Variants in NCAM1 observed in about 807,000 individuals in gnomAD.
The protein encoded by NCAM1 is antigen recognized by monoclonal antibody 5.1H11.
A neutral mutation model predicts 109.8 loss-of-function variants in NCAM1; 14 were observed. The ratio of observed to expected loss-of-function variants is 0.13; its 90% CI spans 0.08 to 0.20. The LOEUF (loss-of-function observed/expected upper bound fraction) is 0.20, where lower values mean the gene tolerates loss of function less well. NCAM1 is among the 10% of genes least tolerant of loss of function. NCAM1 has a pLI of 1.00. For missense variants in NCAM1, 774 were observed against 1,109.9 expected (o/e 0.70, Z 4.30); for synonymous variants, 418 against 442.9 (o/e 0.94, Z 0.70).
intron 17 of NCAM1, among the ~76,000 whole-genome samples, chr11:113,268,911 A>G (rs1946203517): frequency 6.6e-6 from 1 of 152,170 alleles, no homozygotes; most frequent in South Asian, 2.1e-4. Flanking sequence ...TTCAGTCTGC[A>G]GTCCTGGGTG....
At position 113,082,822 on chromosome 11, in the gene NCAM1, C is replaced by A. The variant is rs1244151843; in HGVS notation, c.53-119557C>A. 5.9e-5 allele frequency among the ~76,000 whole-genome samples: 9 copies of A among 152,150 alleles called. 1 individual carries two copies. The highest frequency in any genetic ancestry group is 5.2e-4 in the Admixed American group (8 of 15,292). On this transcript the variant is annotated intron_variant, in intron 1 of 19. Coordinates refer to ENST00000316851, the MANE Select transcript of NCAM1 (RefSeq NM_181351.5). ...ATCCTTATTTGCTTAACAACTCTGT[C>A]AAAAGCAACCCTCTATGTCCCTGGA...
At chr11:113,139,569 T>G (rs1010908152) in intron 1 of NCAM1, among the ~76,000 whole-genome samples, 5 of 152,236 alleles carry the variant, frequency 3.3e-5, no homozygotes, top group Non-Finnish European at 5.9e-5. Flanking sequence ...CATCTCTTCA[T>G]GTACACATAT....
At chr11:113,123,408 C>G (rs1555096468) in intron 1 of NCAM1, among the ~76,000 whole-genome samples, 1 of 152,180 alleles carries the variant, frequency 6.6e-6, no homozygotes, top group African/African-American at 2.4e-5. Flanking sequence ...CTCTTTCCAT[C>G]TTCCTCCCCT....
intron 1 of NCAM1, among the ~76,000 whole-genome samples, chr11:113,080,309 A>C (rs1938739246): frequency 6.6e-6 from 1 of 152,192 alleles, no homozygotes; most frequent in South Asian, 2.1e-4. Flanking sequence ...CTTTCCCCAA[A>C]GTCTGAAATG....
chr11:113,235,613 C>G (rs917031021), intron 14 of NCAM1, among the ~76,000 whole-genome samples: 2 of 152,154 alleles, frequency 1.3e-5, no homozygotes, highest in Non-Finnish European at 2.9e-5. Context: ...GATATTAAGT[C>G]AGAGACAAAT....
chr11:113,072,821 TTA>T (rs1345688452), intron 1 of NCAM1, among the ~76,000 whole-genome samples: 4 of 58,266 alleles, frequency 6.9e-5, no homozygotes, highest in African/African-American at 1.9e-4. Context: ...ACATTGTTTT[TTA>T]TTTTTTTTTT....
At chr11:113,101,117 G>A (rs201801957) in intron 1 of NCAM1, among the ~76,000 whole-genome samples, 1 of 132,124 alleles carries the variant, frequency 7.6e-6, no homozygotes, top group African/African-American at 2.8e-5. Context: ...GCCCTTTCTT[G>A]GGAGAGTTAA....
intron 19 of NCAM1, 83 bp downstream of exon 19, chr11:113,271,959 C>G: frequency 9.5e-7 from 1 of 1,049,314 alleles, no homozygotes; most frequent in Non-Finnish European, 1.4e-6. Context: ...CTCCCGTGCC[C>G]CTACCCACAG....
intron 17 of NCAM1, among the ~76,000 whole-genome samples, chr11:113,267,056 C>T (rs1189855588): frequency 2.0e-5 from 3 of 152,190 alleles, no homozygotes; most frequent in East Asian, 1.9e-4. Context: ...ATGTTGGATT[C>T]GCCCTGTTTA....
rs782535732 is a variant in NCAM1 at position 113,206,091 on chromosome 11, A to C, written c.539A>C (p.Lys180Thr). ...SNNYLQIRGI[K>T]KTDEGTYRCE... The stretch of plus-strand genomic sequence containing the variant: ...AACTACCTGCAGATCCGGGGCATCA[A>C]GAAAACAGATGAGGGCACTTATCGC... The change falls in exon 5 of 20, where the codon AAG becomes ACG. Residue 180 changes from lysine (K) to threonine (T), a missense_variant. Around this residue, in one of 4 missense-constraint regions of NCAM1, gnomAD observed 523 missense variants for 784.2 expected, o/e 0.67. Transcript: ENST00000316851. The C allele has an allele frequency of 3.2e-5, 51 of 1,613,892 alleles. No individual in the cohort carries two copies. The highest frequency in any genetic ancestry group is 4.2e-5 in the Non-Finnish European group (50 of 1,179,904).
intron 1 of NCAM1, among the ~76,000 whole-genome samples, chr11:113,112,083 T>C (rs1205659299): frequency 1.3e-5 from 2 of 152,108 alleles, no homozygotes; most frequent in African/African-American, 4.8e-5. Context: ...TGTCTGTTGT[T>C]AGCCTGCTAG....
intron 17 of NCAM1, chr11:113,264,300 A>G (rs1473741188): frequency 1.5e-5 from 15 of 985,220 alleles, no homozygotes; most frequent in African/African-American, 1.7e-5. Flanking sequence ...TGGGATTCCA[A>G]ATGATCCCAT....
Position 113,204,578 on chromosome 11 carries a change from G to A in NCAM1, c.346+74G>A, listed in dbSNP as rs1944179914. The stretch of plus-strand genomic sequence containing the variant: ...GAGACATGTGGGTAGTGGAAAGGTG[G>A]AAATGATGACAGAAGGACCAGCTGA... On this transcript the variant is annotated intron_variant, in intron 3 of 19. Transcript: ENST00000316851. 6 of 1,448,510 alleles carry A rather than the reference G, an allele frequency of 4.1e-6. No homozygotes were observed. The South Asian group carries it at 7.4e-5, about 18-fold the overall frequency. The allele number at this position is 1,448,510 out of a possible 1,614,324, so 89.7% of individuals were successfully genotyped here. A position where few individuals can be genotyped will look rare whatever the true frequency, so the allele number is the denominator to read the frequency against.
intron 17 of NCAM1, chr11:113,264,974 C>A (rs1946107355): frequency 3.0e-6 from 3 of 985,314 alleles, no homozygotes; most frequent in African/African-American, 1.7e-5. Context: ...GTGAGTGCAC[C>A]CCACCTTGCT....
chr11:113,040,061 A>G (rs2155292), intron 1 of NCAM1, among the ~76,000 whole-genome samples: 69,116 of 151,956 alleles, frequency 0.45, 16,579 homozygotes, highest in East Asian at 0.8. Context: ...AGAATTGGTT[A>G]AACCCAGGAG....
intron 1 of NCAM1, among the ~76,000 whole-genome samples, chr11:112,983,162 T>A (rs1951198542): frequency 1.3e-5 from 2 of 152,036 alleles, no homozygotes; most frequent in African/African-American, 4.8e-5. Flanking sequence ...TCAATTCTTA[T>A]TCTCTTTTTA....
chr11:113,076,072 G>A (rs1028016782), intron 1 of NCAM1, among the ~76,000 whole-genome samples: 1 of 152,204 alleles, frequency 6.6e-6, no homozygotes, highest in Non-Finnish European at 1.5e-5. Context: ...TTGGGCAAAG[G>A]TTCCCAATCC....
At chr11:113,222,403 TC>T (rs1944714421) in intron 9 of NCAM1, among the ~76,000 whole-genome samples, 1 of 152,240 alleles carries the variant, frequency 6.6e-6, no homozygotes, top group Admixed American at 6.5e-5. Context: ...CAGGCACTGA[TC>T]TTAGTTTCTG....
chr11:113,249,716 A>G (rs932962494), intron 15 of NCAM1, among the ~76,000 whole-genome samples: 2 of 152,156 alleles, frequency 1.3e-5, no homozygotes, highest in Non-Finnish European at 2.9e-5. Context: ...TCTTTTTAGG[A>G]TGATGAAACA....
Sources: gnomAD v4.1 joint callset for allele counts (sites outside exome capture counted in the v4.1 genomes callset) on GRCh38, gnomAD v4.1.1 for gene constraint, gnomAD v4.1.1 regional missense constraint, MANE v1.5 for transcripts, NCBI Gene and HGNC (gene_info 2026-07-23, HGNC 2026-07-21) for gene names.